SLC9A9: variants seen among roughly 807,000 people sequenced by gnomAD.
The protein encoded by SLC9A9 is sodium/hydrogen exchanger 9.
A neutral mutation model predicts 77.8 loss-of-function variants in SLC9A9; 62 were observed. The observed-to-expected ratio is 0.80, with a 90% confidence interval of 0.65 to 0.98. The LOEUF (loss-of-function observed/expected upper bound fraction) is 0.98, where lower values mean the gene tolerates loss of function less well. Ranked by LOEUF, SLC9A9 falls within the 50% of genes least tolerant of loss-of-function variation. The pLI, the probability that SLC9A9 is intolerant of heterozygous loss-of-function variation, is 0.00. For synonymous variants in SLC9A9, 320 were observed against 283.5 expected (o/e 1.13, Z -1.29); for missense variants, 775 against 774.9 (o/e 1.00, Z 0.00).
chr3:143,805,798 A>T (rs946081694), intron 2 of SLC9A9, among the ~76,000 whole-genome samples: 1 of 151,632 alleles, frequency 6.6e-6, no homozygotes, highest in Non-Finnish European at 1.5e-5. Flanking sequence ...ATCCTATAAA[A>T]CGGCCCCACC....
At chr3:143,301,688 C>A (rs1261798998) in intron 14 of SLC9A9, among the ~76,000 whole-genome samples, 1 of 152,168 alleles carries the variant, frequency 6.6e-6, no homozygotes, top group African/African-American at 2.4e-5. Flanking sequence ...TAGTATAGGG[C>A]ACAGTCCCTG....
chr3:143,466,588 A>G (rs1403954864), intron 12 of SLC9A9, among the ~76,000 whole-genome samples: 2 of 152,220 alleles, frequency 1.3e-5, no homozygotes, highest in African/African-American at 2.4e-5. Flanking sequence ...ATGTTTAAGC[A>G]TTTCCTATGT....
In SLC9A9 at chr3:143,716,389, A is replaced by ATT. The variant is rs11450258; in HGVS notation, c.534-23084_534-23083dup. 9.9e-3 allele frequency among the ~76,000 whole-genome samples: 1,486 copies of ATT among 149,356 alleles called. 21 individuals carry two copies. The highest frequency in any genetic ancestry group is 0.032 in the African/African-American group (1,318 of 40,800). ...GCACCTGGCTTTTTTTTATGTCAGT[A>ATT]TTTTTTTTTTTAAGGAAAATCACAT... On this transcript the variant is annotated intron_variant, in intron 4 of 15. Transcript: ENST00000316549.
chr3:143,790,112 A>G (rs565091882), intron 4 of SLC9A9, among the ~76,000 whole-genome samples: 2 of 152,124 alleles, frequency 1.3e-5, no homozygotes, highest in East Asian at 3.9e-4. Context: ...ATTAGATCTG[A>G]TAGTTTTATA....
chr3:143,288,518 G>A (rs1463684372), intron 14 of SLC9A9, among the ~76,000 whole-genome samples: 1 of 152,130 alleles, frequency 6.6e-6, no homozygotes, highest in Admixed American at 6.5e-5. Context: ...GAAGACTTTG[G>A]GGGGCAAATA....
At chr3:143,425,225 T>C (rs2034381040) in intron 12 of SLC9A9, among the ~76,000 whole-genome samples, 1 of 151,274 alleles carries the variant, frequency 6.6e-6, no homozygotes, top group African/African-American at 2.4e-5. Flanking sequence ...AATCATTTGG[T>C]GTACACTTAG....
chr3:143,730,914 G>T (rs1934787522), intron 4 of SLC9A9, among the ~76,000 whole-genome samples: 1 of 152,102 alleles, frequency 6.6e-6, no homozygotes, highest in Non-Finnish European at 1.5e-5. Context: ...GGCTACAATT[G>T]ACAAAAAATC....
chr3:143,663,679 T>C (rs1311116139), intron 5 of SLC9A9, among the ~76,000 whole-genome samples: 3 of 152,124 alleles, frequency 2.0e-5, no homozygotes, highest in Non-Finnish European at 4.4e-5. Flanking sequence ...TGCACAAGTT[T>C]CAGTAGCCGA....
chr3:143,835,849 A>G (rs2009554294), intron 1 of SLC9A9, among the ~76,000 whole-genome samples: 1 of 152,188 alleles, frequency 6.6e-6, no homozygotes, highest in Non-Finnish European at 1.5e-5. Flanking sequence ...CACCCAGTCC[A>G]TGTGCAAACA....
At chr3:143,716,380 T>A (rs1014394314) in intron 4 of SLC9A9, among the ~76,000 whole-genome samples, 1 of 128,112 alleles carries the variant, frequency 7.8e-6, no homozygotes, top group Non-Finnish European at 1.7e-5. Context: ...GGCTTTTTTT[T>A]ATGTCAGTAT....
intron 12 of SLC9A9, among the ~76,000 whole-genome samples, chr3:143,399,624 C>T (rs1049068356): frequency 6.6e-6 from 1 of 152,062 alleles, no homozygotes; most frequent in Non-Finnish European, 1.5e-5. Flanking sequence ...GGAAAGTGCA[C>T]AGCATGGAAA....
chr3:143,291,291 G>A (rs545206281), intron 14 of SLC9A9, among the ~76,000 whole-genome samples: 4 of 152,276 alleles, frequency 2.6e-5, no homozygotes, highest in South Asian at 2.1e-4. Flanking sequence ...TCTGCTCGTC[G>A]AAGTGCTAAG....
chr3:143,620,531 T>G (rs1052320313), intron 6 of SLC9A9: 1 of 151,832 alleles, frequency 6.6e-6, no homozygotes, highest in East Asian at 1.9e-4. Context: ...CCCACGTGGG[T>G]GTGGGCATCC....
chr3:143,585,225 G>A (rs1260136769), intron 6 of SLC9A9, among the ~76,000 whole-genome samples: 3 of 152,170 alleles, frequency 2.0e-5, no homozygotes, highest in African/African-American at 7.2e-5. Context: ...CTCAGGAGGT[G>A]AAAGGAAATT....
intron 9 of SLC9A9, among the ~76,000 whole-genome samples, chr3:143,512,747 G>A (rs1213584255): frequency 6.6e-6 from 1 of 152,094 alleles, no homozygotes; most frequent in Non-Finnish European, 1.5e-5. Flanking sequence ...GTGGTGGTGG[G>A]TGCCTGTAAG....
intron 9 of SLC9A9, among the ~76,000 whole-genome samples, chr3:143,515,468 G>C (rs2036189714): frequency 6.6e-6 from 1 of 152,128 alleles, no homozygotes; most frequent in African/African-American, 2.4e-5. Flanking sequence ...ATAAAATGAA[G>C]TATGACTGTC....
At position 143,282,886 on chromosome 3, in the gene SLC9A9, A is replaced by T. The variant is rs148636229; in HGVS notation, c.1605-13906T>A. Among the ~76,000 whole-genome samples the T allele has an allele frequency of 2.2e-4, 34 of 152,342 alleles. No homozygotes were observed. In the East Asian group the frequency reaches 6.4e-3, roughly 29 times the overall value. On this transcript the variant is annotated intron_variant, in intron 14 of 15. Transcript: ENST00000316549. ...ACATAGTCAGACATAATCCTAATGG[A>T]TACTGGATCCAGGACCCAATTCAAA...
At chr3:143,393,515 A>G (rs1417443986) in intron 12 of SLC9A9, among the ~76,000 whole-genome samples, 1 of 152,226 alleles carries the variant, frequency 6.6e-6, no homozygotes, top group Non-Finnish European at 1.5e-5. Context: ...TCTAAAACTG[A>G]CACCCTAACA....
intron 11 of SLC9A9, among the ~76,000 whole-genome samples, chr3:143,488,676 A>G (rs146707848): frequency 1.3e-5 from 2 of 152,096 alleles, no homozygotes; most frequent in Non-Finnish European, 2.9e-5. Context: ...ATGCAGAAAC[A>G]TCATTTGATA....
Sources: allele counts gnomAD v4.1 joint callset (sites outside exome capture counted in the v4.1 genomes callset), GRCh38; gene constraint gnomAD v4.1.1; transcripts MANE v1.5; gene names NCBI Gene and HGNC (gene_info 2026-07-23, HGNC 2026-07-21).